KDM4B: variants seen among roughly 807,000 people sequenced by gnomAD.
The protein encoded by KDM4B is lysine-specific demethylase 4B.
In KDM4B, 32 loss-of-function variants were observed where a neutral mutation model predicts 125.2. The ratio of observed to expected loss-of-function variants is 0.26; its 90% CI spans 0.19 to 0.34. The LOEUF is 0.34. KDM4B is among the 10% of genes least tolerant of loss of function. The pLI is 1.00. For synonymous variants in KDM4B, 721 were observed against 677.9 expected, an observed-to-expected ratio of 1.06 and a Z score of -0.99; for missense variants, 1,190 against 1,577.7, an observed-to-expected ratio of 0.75 and a Z score of 4.16.
Position 5,008,906 on chromosome 19 carries a change from CTTTTTTTTTTTT to C in KDM4B, c.-108-7336_-108-7325del, listed in dbSNP as rs200928850. Among the ~76,000 whole-genome samples the C allele has an allele frequency of 7.9e-4, 82 of 104,432 alleles. 2 individuals carry two copies. The East Asian group carries it at 0.011, about 14-fold the overall frequency. 68.5% of individuals were successfully genotyped at this position (104,432 alleles called of 152,430 possible). ...ATGAGTGACCATGCCTGGCCCCTGC[CTTTTTTTTTTTT>C]TTTTTTTTTTTTTTAAAGACAGAGT... On this transcript the variant is annotated intron_variant, in intron 1 of 22. Coordinates refer to ENST00000159111, the MANE Select transcript of KDM4B (RefSeq NM_015015.3).
rs1317570019 is a variant in KDM4B, at chr19:5,119,661, G to A, written c.1124G>A (p.Arg375Gln). The change falls in exon 11 of 23, where the codon CGG becomes CAG. Residue 375 changes from arginine to glutamine, a missense_variant. Coordinates refer to ENST00000159111, the MANE Select transcript of KDM4B (RefSeq NM_015015.3). ...LKAKLLRRSH[R>Q]KRSQPKKPKP... The stretch of plus-strand genomic sequence containing the variant: ...TAAACCTCCCTCTCCAGGTCTCACC[G>A]GAAACGGAGCCAGCCCAAGAAGCCG... 4 of 1,555,530 alleles carry A rather than the reference G, an allele frequency of 2.6e-6. No individual in the cohort carries two copies. The highest frequency in any genetic ancestry group is 3.5e-6 in the Non-Finnish European group (4 of 1,149,226).
At chr19:5,085,849 C>T (rs1162047171) in intron 9 of KDM4B, among the ~76,000 whole-genome samples, 1 of 152,228 alleles carries the variant, frequency 6.6e-6, no homozygotes, top group Non-Finnish European at 1.5e-5. Context: ...GCAGGGTTTT[C>T]TCTCCCATAA....
intron 14 of KDM4B, 25 bp downstream of exon 14, chr19:5,134,086 C>G: frequency 6.4e-7 from 1 of 1,561,182 alleles, no homozygotes; most frequent in Non-Finnish European, 8.7e-7. Context: ...CTCACGGGTC[C>G]CAGAGAACCC....
chr19:5,138,133 TC>T, intron 18 of KDM4B, 63 bp downstream of exon 18: 1 of 1,282,282 alleles, frequency 7.8e-7, no homozygotes, highest in Non-Finnish European at 1.1e-6. Context: ...CATGCTCGGC[TC>T]CCCACCTGCG....
chr19:5,043,183 C>G (rs982275082), intron 5 of KDM4B, among the ~76,000 whole-genome samples: 3 of 150,544 alleles, frequency 2.0e-5, no homozygotes, highest in African/African-American at 7.3e-5. Flanking sequence ...CCACCTTATC[C>G]CGCGTGGTGT....
At chr19:5,120,484 C>A (rs902298415) in intron 11 of KDM4B, among the ~76,000 whole-genome samples, 1 of 143,170 alleles carries the variant, frequency 7.0e-6, no homozygotes, top group Admixed American at 6.8e-5. Context: ...CCCCACTCTC[C>A]CGGGGCTGGC....
chr19:4,998,640 A>G (rs1006053064), intron 1 of KDM4B, among the ~76,000 whole-genome samples: 30 of 152,300 alleles, frequency 2.0e-4, no homozygotes, highest in Middle Eastern at 6.8e-3. Context: ...TACAGACCCT[A>G]TTCTGACTTT....
chr19:4,972,034 G>A (rs2034278494), intron 1 of KDM4B, among the ~76,000 whole-genome samples: 1 of 152,176 alleles, frequency 6.6e-6, no homozygotes, highest in African/African-American at 2.4e-5. Flanking sequence ...TAGGCTCCTG[G>A]CTCAGCTCCA....
intron 1 of KDM4B, among the ~76,000 whole-genome samples, chr19:4,992,076 C>G (rs540428164): frequency 1.3e-5 from 2 of 152,068 alleles, no homozygotes; most frequent in Admixed American, 6.6e-5. Flanking sequence ...CCAAGGTTGC[C>G]AGGGCCTGGG....
At chr19:4,981,947 C>A (rs2034657057) in intron 1 of KDM4B, among the ~76,000 whole-genome samples, 1 of 152,134 alleles carries the variant, frequency 6.6e-6, no homozygotes, top group African/African-American at 2.4e-5. Context: ...TGGCCAGAAG[C>A]CAACCCCACA....
intron 2 of KDM4B, among the ~76,000 whole-genome samples, chr19:5,021,673 G>A (rs1464216510): frequency 7.6e-6 from 1 of 132,380 alleles, no homozygotes; most frequent in African/African-American, 2.9e-5. Flanking sequence ...GTCTCGCTCT[G>A]TTGCCAGACT....
At chr19:5,100,714 C>T (rs2145949332) in intron 9 of KDM4B, among the ~76,000 whole-genome samples, 1 of 152,324 alleles carries the variant, frequency 6.6e-6, no homozygotes, top group African/African-American at 2.4e-5. Flanking sequence ...CACACTTGGC[C>T]TCTTTGTCTT....
chr19:5,057,097 TC>T (rs2037435185), intron 6 of KDM4B, among the ~76,000 whole-genome samples: 1 of 151,664 alleles, frequency 6.6e-6, no homozygotes, highest in African/African-American at 2.4e-5. Context: ...CAAATGACTC[TC>T]CGGCTGTCCC....
At chr19:4,980,913 G>T (rs373495267) in intron 1 of KDM4B, among the ~76,000 whole-genome samples, 9 of 148,008 alleles carry the variant, frequency 6.1e-5, no homozygotes, top group Non-Finnish European at 1.3e-4. Context: ...AGATGGCCCC[G>T]GGGCAGACAC....
At chr19:5,089,966 C>T (rs1230521273) in intron 9 of KDM4B, among the ~76,000 whole-genome samples, 1 of 152,120 alleles carries the variant, frequency 6.6e-6, no homozygotes, top group Non-Finnish European at 1.5e-5. Context: ...TCCAGAGGTT[C>T]AAGACCGGCC....
intron 6 of KDM4B, among the ~76,000 whole-genome samples, chr19:5,063,431 A>T (rs996954669): frequency 1.3e-5 from 2 of 152,188 alleles, no homozygotes; most frequent in African/African-American, 4.8e-5. Context: ...ACTGCTTGCC[A>T]ACCATGTGTG....
Position 5,110,838 on chromosome 19 carries a change from C to T in KDM4B, c.1115+20C>T, listed in dbSNP as rs1210918636. ...CCGCAGGTGAGTTGCCAAGGGACTG[C>T]CGCGTGACTGCCCAGCATCACGGGG... is the stretch of plus-strand genomic sequence containing the variant. On this transcript the variant is annotated intron_variant, in intron 10 of 22. Coordinates refer to ENST00000159111, the MANE Select transcript of KDM4B (RefSeq NM_015015.3). The T allele has an allele frequency of 3.3e-6, 5 of 1,534,288 alleles. No individual in the cohort carries two copies. The Admixed American group carries it at 9.8e-5, about 30-fold the overall frequency.
chr19:5,070,796 C>G (rs1375775844), intron 6 of KDM4B: 1 of 521,982 alleles, frequency 1.9e-6, no homozygotes, highest in Non-Finnish European at 3.4e-6. Flanking sequence ...GGTCCTCACT[C>G]CCCGCTCCTC....
At position 5,000,504 on chromosome 19, in the gene KDM4B, C is replaced by G. The variant is rs143562034; in HGVS notation, c.-108-15753C>G. ...ACACTGAAACCTCTAGTTCCAGCCC[C>G]ACACCCAGGGTCCCTTACCATCTTT... On this transcript the variant is annotated intron_variant, in intron 1 of 22. Coordinates refer to ENST00000159111, the MANE Select transcript of KDM4B (RefSeq NM_015015.3). Among the ~76,000 whole-genome samples, 1,120 of 152,152 alleles carry G rather than the reference C, an allele frequency of 7.4e-3. 12 individuals carry two copies. The highest frequency in any genetic ancestry group is 0.026 in the African/African-American group (1,063 of 41,494).
Sources: allele counts gnomAD v4.1 joint callset (sites outside exome capture counted in the v4.1 genomes callset), GRCh38; gene constraint gnomAD v4.1.1; transcripts MANE v1.5; gene names NCBI Gene and HGNC (gene_info 2026-07-23, HGNC 2026-07-21).